TASOR2: variants seen among roughly 807,000 people sequenced by gnomAD.
The protein encoded by TASOR2 is transcription activation suppressor family member 2.
A neutral mutation model predicts 199.5 loss-of-function variants in TASOR2; 84 were observed. The observed-to-expected ratio is 0.42, with a 90% CI of 0.35 to 0.50. TASOR2 has a LOEUF of 0.50. Ranked by LOEUF, TASOR2 falls within the 20% of genes least tolerant of loss-of-function variation. The pLI is 0.02. For synonymous variants in TASOR2, 1,103 were observed against 1,046.6 expected (o/e 1.05, Z -1.04); for missense variants, 2,796 against 2,835.9 (o/e 0.99, Z 0.32).
chr10:5,745,609 A>G (rs1043118330), intron 14 of TASOR2, among the ~76,000 whole-genome samples: 2 of 152,138 alleles, frequency 1.3e-5, no homozygotes, highest in East Asian at 1.9e-4. Flanking sequence ...GCTAAACCTC[A>G]TCTCTACTAA....
chr10:5,709,713 G>T, intron 1 of TASOR2: 1 of 1,211,698 alleles, frequency 8.3e-7, no homozygotes, highest in Non-Finnish European at 1.0e-6. Flanking sequence ...ATCCAGAATA[G>T]AATGATTAAA....
intron 14 of TASOR2, among the ~76,000 whole-genome samples, chr10:5,745,168 A>G (rs1479729777): frequency 1.3e-5 from 2 of 152,208 alleles, no homozygotes; most frequent in Admixed American, 1.3e-4. Flanking sequence ...TCCTGAGATG[A>G]TAGCTCTGCT....
chr10:5,716,855 C>T (rs903666591), intron 2 of TASOR2, among the ~76,000 whole-genome samples: 9 of 151,240 alleles, frequency 6.0e-5, no homozygotes, highest in African/African-American at 1.7e-4. Flanking sequence ...GCAGAGGTTG[C>T]AGTGAGCCGA....
At chr10:5,763,543 T>TA (rs1419546731) in exon 21 of TASOR2, 2 of 152,304 alleles carry the variant, frequency 1.3e-5, no homozygotes, top group African/African-American at 2.4e-5. Flanking sequence ...ATTTTTCACT[T>TA]ACGGTATTTG....
chr10:5,744,684 T>C (rs1836927398), intron 14 of TASOR2, among the ~76,000 whole-genome samples: 1 of 151,966 alleles, frequency 6.6e-6, no homozygotes, highest in Admixed American at 6.6e-5. Flanking sequence ...GAAATGAGTT[T>C]GTTTGGTTTG....
chr10:5,751,357 C>T lies in TASOR2; in HGVS notation c.6606+1330C>T, dbSNP rs985112054. ...ATACTGAAATTCCACCAGATTCCTT[C>T]TGCATTTATTAGTTGGTATTCGGCT... On this transcript the variant is annotated intron_variant, in intron 15 of 20. Coordinates refer to ENST00000328090, the Ensembl canonical transcript of TASOR2. This position sits in a 1 kb window ranked among gnomAD's most constrained non-coding sequence, Gnocchi z 5.3. 1.3e-5 allele frequency among the ~76,000 whole-genome samples: 2 copies of T among 152,214 alleles called. No individual in the cohort carries two copies. Among genetic ancestry groups the T allele is most frequent in the Non-Finnish European group, 2.9e-5 (2 of 68,040 alleles).
intron 1 of TASOR2, among the ~76,000 whole-genome samples, chr10:5,692,360 A>G (rs1225855911): frequency 6.6e-6 from 1 of 152,164 alleles, no homozygotes; most frequent in Non-Finnish European, 1.5e-5. Flanking sequence ...AGATTGATAG[A>G]TATCCTTACT....
exon 2 of TASOR2, chr10:5,712,886 TAC>T: frequency 8.1e-7 from 1 of 1,231,364 alleles, no homozygotes; most frequent in Non-Finnish European, 1.0e-6. Flanking sequence ...TCAAGACACT[TAC>T]GGGTTTCTTC....
At chr10:5,756,649 C>T (rs767870450) in exon 16 of TASOR2, 14 of 1,613,292 alleles carry the variant, frequency 8.7e-6, no homozygotes, top group African/African-American at 1.3e-5. Context: ...AGAAATTGAA[C>T]CTCAGCACTT....
Position 5,730,314 on chromosome 10 carries a change from C to A in TASOR2, c.488-173C>A, listed in dbSNP as rs1834636428. Among the ~76,000 whole-genome samples, 1 of 152,138 alleles carries A rather than the reference C, an allele frequency of 6.6e-6. No individual in the cohort carries two copies. The highest frequency in any genetic ancestry group is 2.4e-5 in the African/African-American group (1 of 41,416). On this transcript the variant is annotated intron_variant, in intron 10 of 20. Coordinates refer to ENST00000328090, the Ensembl canonical transcript of TASOR2. The surrounding 1 kb of genome is among the most constrained non-coding windows in gnomAD (Gnocchi z 4.1). ...ATGTAATTTCAAGTATATGGAGATA[C>A]ATTTGTTAAATGTACCTCTAAGTCT... is the stretch of plus-strand genomic sequence containing the variant.
intron 17 of TASOR2, among the ~76,000 whole-genome samples, chr10:5,758,613 A>G (rs1839315691): frequency 6.6e-6 from 1 of 152,164 alleles, no homozygotes; most frequent in Admixed American, 6.5e-5. Flanking sequence ...CTGTCACACA[A>G]TTTGTACACA....
chr10:5,749,213 CAAAA>C lies in TASOR2; in HGVS notation c.5793_5796del (p.Lys1932AsnfsTer6). On this transcript the variant is annotated frameshift_variant, in exon 15 of 21. Coordinates refer to ENST00000328090, the Ensembl canonical transcript of TASOR2. LOFTEE classifies it high-confidence loss of function. ...AGGACTTACGCCAACTTCTCTATAACAAAAGAACTCAAAGATACCATGAGAACTT... is the reference window on the plus strand; with the variant it reads ...AGGACTTACGCCAACTTCTCTATAACGAACTCAAAGATACCATGAGAACTT... The C allele has an allele frequency of 6.2e-7, 1 of 1,614,082 alleles. No individual in the cohort carries two copies. Among genetic ancestry groups the C allele is most frequent in the Non-Finnish European group, 8.5e-7 (1 of 1,180,008 alleles).
chr10:5,756,672 C>T lies in TASOR2; in HGVS notation c.6666C>T (p.Phe2222=). ...AACCTCAGCACTTCTGTCAAGCTTT[C>T]CACAGAGAGAATGATACACTAATCA... Residue 2222 remains phenylalanine, a synonymous_variant, in exon 16 of 21, where the codon TTC becomes TTT. Coordinates refer to ENST00000328090, the Ensembl canonical transcript of TASOR2. The T allele has an allele frequency of 2.5e-6, 4 of 1,613,522 alleles. No individual in the cohort carries two copies. In the East Asian group the frequency reaches 8.9e-5, roughly 36 times the overall value.
Position 5,752,677 on chromosome 10 carries a change from T to A in TASOR2, c.6606+2650T>A, listed in dbSNP as rs80217087. 2.2e-3 allele frequency among the ~76,000 whole-genome samples: 328 copies of A among 152,370 alleles called. 4 individuals are homozygous for A. Among genetic ancestry groups the A allele is most frequent in the African/African-American group, 6.7e-3 (278 of 41,592 alleles). Reference sequence around the variant, plus strand: ...CAAGACCACTTCTCATCTGGAGTACTAAGGCCACTGCAGAAACCACAGAGC... The same window carrying A: ...CAAGACCACTTCTCATCTGGAGTACAAAGGCCACTGCAGAAACCACAGAGC... On this transcript the variant is annotated intron_variant, in intron 15 of 20. Coordinates refer to ENST00000328090, the Ensembl canonical transcript of TASOR2. This position sits in a 1 kb window ranked among gnomAD's most constrained non-coding sequence, Gnocchi z 4.4.
intron 18 of TASOR2, 59 bp from the exon 20 acceptor site, chr10:5,761,231 G>A: frequency 2.0e-6 from 3 of 1,470,474 alleles, no homozygotes; most frequent in Non-Finnish European, 2.8e-6. Flanking sequence ...CTGAAGGCAA[G>A]AAAAAGTCCT....
intron 15 of TASOR2, among the ~76,000 whole-genome samples, chr10:5,753,524 A>G (rs1474785968): frequency 6.6e-6 from 1 of 152,014 alleles, no homozygotes; most frequent in Non-Finnish European, 1.5e-5. Context: ...CACCATGCCC[A>G]GCTAATTTTT....
At chr10:5,703,030 A>G (rs1364117578) in intron 1 of TASOR2, among the ~76,000 whole-genome samples, 4 of 152,216 alleles carry the variant, frequency 2.6e-5, no homozygotes, top group South Asian at 4.1e-4. Flanking sequence ...GGGTATAAAG[A>G]CTATGTACTG....
At position 5,740,535 on chromosome 10, in the gene TASOR2, T is replaced by C. The variant is rs1218522578; in HGVS notation, c.2327+38T>C. The C allele has an allele frequency of 1.9e-6, 3 of 1,581,874 alleles. No homozygotes were observed. Among genetic ancestry groups the C allele is most frequent in the Non-Finnish European group, 2.6e-6 (3 of 1,167,200 alleles). ...GAAACTTAGTGAAAATGGATGAAAC[T>C]TTTCTGTTGAGATGAATGTAGTGAG... On this transcript the variant is annotated intron_variant, in intron 13 of 20. Transcript: ENST00000328090. This position sits in a 1 kb window ranked among gnomAD's most constrained non-coding sequence, Gnocchi z 5.3.
rs1182918311 is a variant in TASOR2 at position 5,752,505 on chromosome 10, C to A, written c.6606+2478C>A. 2.0e-5 allele frequency among the ~76,000 whole-genome samples: 3 copies of A among 152,212 alleles called. No homozygotes were observed. Among genetic ancestry groups the A allele is most frequent in the African/African-American group, 7.2e-5 (3 of 41,464 alleles). ...TGCCCACTGGGTCTGTCTCAGACTT[C>A]ACTTACATCACTTCTGCTGATTTCC... On this transcript the variant is annotated intron_variant, in intron 15 of 20. Coordinates refer to ENST00000328090, the Ensembl canonical transcript of TASOR2. This position sits in a 1 kb window ranked among gnomAD's most constrained non-coding sequence, Gnocchi z 4.4.
Sources: gnomAD v4.1 joint callset for allele counts (sites outside exome capture counted in the v4.1 genomes callset) on GRCh38, gnomAD v4.1.1 for gene constraint, Gnocchi (gnomAD v3.1) non-coding constraint, MANE v1.5 for transcripts, NCBI Gene and HGNC (gene_info 2026-07-23, HGNC 2026-07-21) for gene names.